The following PTMA variants were observed in gnomAD, a reference collection of about 807,000 sequenced individuals.
PTMA encodes prothymosin alpha, also known as gene sequence 28.
In PTMA, 4 loss-of-function variants were observed where a neutral mutation model predicts 16.9. That is an observed-to-expected ratio of 0.24 (90% confidence interval 0.12 to 0.54). The LOEUF (loss-of-function observed/expected upper bound fraction) is 0.54. Among genes scored for constraint, PTMA ranks in the 20% least tolerant of loss-of-function variants. The pLI is 0.95. For synonymous variants in PTMA, 58 were observed against 47.9 expected (o/e 1.21, Z -0.87); for missense variants, 120 against 137.7 (o/e 0.87, Z 0.64).
intron 3 of PTMA, 53 bp from the exon 4 acceptor site, chr2:231,712,390 A>G (rs1575353684): frequency 6.4e-7 from 1 of 1,562,648 alleles, no homozygotes; most frequent in Non-Finnish European, 8.8e-7. Context: ...GGATTTCCCC[A>G]GGAGCCACAG....
intron 1 of PTMA, chr2:231,710,143 C>T (rs1275794604): frequency 1.6e-6 from 2 of 1,256,650 alleles, no homozygotes; most frequent in Admixed American, 8.2e-5. Context: ...GCCCGGTGGA[C>T]TTTGGGGCGA....
intron 2 of PTMA, 38 bp from the exon 3 acceptor site, chr2:231,711,852 C>A: frequency 6.2e-7 from 1 of 1,609,842 alleles, no homozygotes; most frequent in Non-Finnish European, 8.5e-7. Flanking sequence ...CAGCCTGGGG[C>A]CAGCTGGTAA....
chr2:231,708,571 C>G lies in PTMA; in HGVS notation c.-136C>G, dbSNP rs1218238792. On this transcript the variant is annotated 5_prime_UTR_variant, in exon 1 of 5. Coordinates refer to ENST00000409115, the MANE Select transcript of PTMA (RefSeq NM_002823.5). ...AGCCATCTTTGCATTGTTCCTCATC[C>G]GCCTCCTTGCTCGCCGCAGCCGCCT... The G allele has an allele frequency of 2.0e-6, 2 of 1,009,134 alleles. No individual in the cohort carries two copies. The highest frequency in any genetic ancestry group is 2.5e-5 in the East Asian group (1 of 40,736). 62.5% of individuals were successfully genotyped at this position (1,009,134 alleles called of 1,614,324 possible). A position where few individuals can be genotyped will look rare whatever the true frequency, so the allele number is the denominator to read the frequency against.
At chr2:231,712,025 C>T (rs768081759) in intron 3 of PTMA, 42 bp downstream of exon 3, 41 of 1,550,512 alleles carry the variant, frequency 2.6e-5, no homozygotes, top group Non-Finnish European at 3.3e-5. Flanking sequence ...GGTACTTTTT[C>T]CTGGCCTTGT....
chr2:231,709,184 T>C (rs1327072248), intron 1 of PTMA, among the ~76,000 whole-genome samples: 1 of 151,944 alleles, frequency 6.6e-6, no homozygotes, highest in East Asian at 1.9e-4. Context: ...CCGCGGGAAG[T>C]GGCGGCGAGC....
intron 3 of PTMA, 120 bp downstream of exon 3, chr2:231,712,103 C>T: frequency 6.7e-7 from 1 of 1,503,744 alleles, no homozygotes; most frequent in Non-Finnish European, 8.9e-7. Context: ...GGCCAGTGGA[C>T]CACATGGCCC....
chr2:231,712,859 A>G lies in PTMA; in HGVS notation c.*8A>G. 6.4e-7 allele frequency: 1 copy of G among 1,563,024 alleles called. No individual in the cohort carries two copies. Among genetic ancestry groups the G allele is most frequent in the Non-Finnish European group, 8.7e-7 (1 of 1,155,936 alleles). On this transcript the variant is annotated 3_prime_UTR_variant, in exon 5 of 5. Coordinates refer to ENST00000409115, the MANE Select transcript of PTMA (RefSeq NM_002823.5). ...ACCGACGAGGATGACTAGACAGCAA[A>G]AAAGGAAAAGTTAAACTAAAAAAAA...
Position 231,712,676 on chromosome 2 carries a change from A to G in PTMA, c.286-128A>G. 6.6e-6 allele frequency: 9 copies of G among 1,357,708 alleles called. No homozygotes were observed. In the South Asian group the frequency reaches 8.9e-5, roughly 13 times the overall value. 84.1% of individuals were successfully genotyped at this position (1,357,708 alleles called of 1,614,324 possible). ...CAGGAAGGAAACAGGGCTGGGCTCA[A>G]CTTCCCAGAGGCCTTGGGCTGTGGA... On this transcript the variant is annotated intron_variant, in intron 4 of 4. Coordinates refer to ENST00000409115, the MANE Select transcript of PTMA (RefSeq NM_002823.5).
chr2:231,711,506 T>C, intron 2 of PTMA, 87 bp downstream of exon 2: 1 of 1,219,642 alleles, frequency 8.2e-7, no homozygotes, highest in Admixed American at 1.8e-5. Context: ...TATATATGTG[T>C]GTGTATGTGT....
intron 1 of PTMA, among the ~76,000 whole-genome samples, chr2:231,709,232 C>T (rs1209316376): frequency 1.3e-5 from 2 of 152,180 alleles, no homozygotes; most frequent in Non-Finnish European, 2.9e-5. Context: ...GGCGCCAGGC[C>T]GGCGGTTTCG....
At chr2:231,712,587 C>T in intron 4 of PTMA, 71 bp downstream of exon 4, 3 of 1,512,092 alleles carry the variant, frequency 2.0e-6, no homozygotes, top group Non-Finnish European at 2.8e-6. Flanking sequence ...CTGAGGTGCT[C>T]AAGCTGCGGA....
At chr2:231,711,499 A>G (rs1039862128) in intron 2 of PTMA, 80 bp downstream of exon 2, 17 of 1,317,902 alleles carry the variant, frequency 1.3e-5, no homozygotes, top group Middle Eastern at 1.8e-4. Flanking sequence ...ACATACCTAT[A>G]TATGTGTGTG....
intron 1 of PTMA, among the ~76,000 whole-genome samples, chr2:231,709,286 GA>G (rs1047929166): frequency 1.3e-5 from 2 of 152,110 alleles, no homozygotes; most frequent in African/African-American, 4.8e-5. Flanking sequence ...ACTAAGTCCC[GA>G]TAAGGCGGAT....
In PTMA at chr2:231,713,130, A is replaced by G; in HGVS notation, c.*279A>G. 2.2e-6 allele frequency: 1 copy of G among 450,036 alleles called. No individual in the cohort carries two copies. Among genetic ancestry groups the G allele is most frequent in the Non-Finnish European group, 4.2e-6 (1 of 237,484 alleles). The allele number at this position is 450,036 out of a possible 1,614,324, so 27.9% of individuals were successfully genotyped here. A position where few individuals can be genotyped will look rare whatever the true frequency, so the allele number is the denominator to read the frequency against. ...GGAAATTTGTTTGTATTTTTTATTTACATTTTATATTTTTGTACATATTGT... is the reference window on the plus strand; with the variant it reads ...GGAAATTTGTTTGTATTTTTTATTTGCATTTTATATTTTTGTACATATTGT... On this transcript the variant is annotated 3_prime_UTR_variant, in exon 5 of 5. Transcript: ENST00000409115.
Position 231,708,534 on chromosome 2 carries a change from G to C in PTMA, c.-173G>C, listed in dbSNP as rs935476723. 2 of 745,370 alleles carry C rather than the reference G, an allele frequency of 2.7e-6. No homozygotes were observed. The highest frequency in any genetic ancestry group is 4.6e-6 in the Non-Finnish European group (2 of 437,616). The allele number at this position is 745,370 out of a possible 1,614,324, so 46.2% of individuals were successfully genotyped here. ...CTGGCGCCGCGTGAGTCCCCCACTG[G>C]CTGCTCTGAAAAGCCATCTTTGCAT... On this transcript the variant is annotated 5_prime_UTR_variant, in exon 1 of 5. Coordinates refer to ENST00000409115, the MANE Select transcript of PTMA (RefSeq NM_002823.5).
chr2:231,712,128 TAG>T, intron 3 of PTMA, 145 bp downstream of exon 3: 6 of 1,421,732 alleles, frequency 4.2e-6, no homozygotes. Context: ...CACCCACCTG[TAG>T]AGTCAGGGAA....
rs970719250 is a variant in PTMA, at chr2:231,709,391, G to T, written c.45+640G>T. On this transcript the variant is annotated intron_variant, in intron 1 of 4. Transcript: ENST00000409115. ...GGCGCTCTGGGAGGCGGGGGTGGGC[G>T]CCCTTCGAGGTGAGTGCGCCGGGAG... 5.9e-5 allele frequency among the ~76,000 whole-genome samples: 9 copies of T among 152,296 alleles called. No individual in the cohort carries two copies. In the East Asian group the frequency reaches 1.7e-3, roughly 29 times the overall value.
intron 1 of PTMA, 24 bp downstream of exon 1, chr2:231,708,775 C>T (rs1012935711): frequency 2.5e-6 from 4 of 1,598,700 alleles, no homozygotes; most frequent in African/African-American, 1.3e-5. Context: ...CCGCCCGCCC[C>T]CTCGGGGTCC....
chr2:231,708,694 G>C lies in PTMA; in HGVS notation c.-13G>C. On this transcript the variant is annotated 5_prime_UTR_variant, in exon 1 of 5. Coordinates refer to ENST00000409115, the MANE Select transcript of PTMA (RefSeq NM_002823.5). ...TTTTAATCCCCTGCATCGGATCACCGGCGTGCCCCACCATGTCAGACGCAG... is the reference window on the plus strand; with the variant it reads ...TTTTAATCCCCTGCATCGGATCACCCGCGTGCCCCACCATGTCAGACGCAG... The C allele has an allele frequency of 1.2e-6, 2 of 1,602,292 alleles. No homozygotes were observed. Among genetic ancestry groups the C allele is most frequent in the Non-Finnish European group, 1.7e-6 (2 of 1,179,592 alleles).
Sources: gnomAD v4.1 joint callset for allele counts (sites outside exome capture counted in the v4.1 genomes callset) on GRCh38, gnomAD v4.1.1 for gene constraint, MANE v1.5 for transcripts, NCBI Gene and HGNC (gene_info 2026-07-23, HGNC 2026-07-21) for gene names.